GSE1: variants seen among roughly 807,000 people sequenced by gnomAD.
The protein encoded by GSE1 is Gse1 coiled-coil protein.
GSE1 carries 32 observed loss-of-function variants against 112.6 expected under a neutral mutation model. That is an observed-to-expected ratio of 0.28 (90% CI 0.21 to 0.38). The LOEUF is 0.38. Ranked by LOEUF, GSE1 falls within the 10% of genes least tolerant of loss-of-function variation. The pLI, the probability that GSE1 is intolerant of heterozygous loss-of-function variation, is 1.00. For missense variants in GSE1, 2,348 were observed against 1,699.2 expected, an observed-to-expected ratio of 1.38 and a Z score of -6.71; for synonymous variants, 1,115 against 735.6, an observed-to-expected ratio of 1.52 and a Z score of -8.35.
rs139719411 is a variant in GSE1, at chr16:85,331,855, G to A, written c.2284-25608G>A. Among the ~76,000 whole-genome samples the A allele has an allele frequency of 2.0e-3, 306 of 151,856 alleles. 2 individuals carry two copies. Among genetic ancestry groups the A allele is most frequent in the African/African-American group, 7.1e-3 (293 of 41,420 alleles). ...GAGTCACCGCGCCCAGCTACTCCCTGTCTTTGCAGTGCTCCTGAGGGTGTG... is the reference window on the plus strand; with the variant it reads ...GAGTCACCGCGCCCAGCTACTCCCTATCTTTGCAGTGCTCCTGAGGGTGTG... On this transcript the variant is annotated intron_variant, in intron 1 of 2. Transcript: ENST00000637419.
rs370143076 is a variant in GSE1, at chr16:85,662,011, C to T, written c.2260+246C>T. ...TGTCCCAAAAAGCCAAATCAAAGCC[C>T]GCCTGTGAAGATAGTTCCGCAGACA... is the stretch of plus-strand genomic sequence containing the variant. On this transcript the variant is annotated intron_variant, in intron 9 of 15. Transcript: ENST00000253458. Among the ~76,000 whole-genome samples, 189 of 152,316 alleles carry T rather than the reference C, an allele frequency of 1.2e-3. 2 individuals are homozygous for T. The highest frequency in any genetic ancestry group is 4.5e-3 in the African/African-American group (185 of 41,566).
upstream of GSE1, among the ~76,000 whole-genome samples, chr16:85,612,635 A>T (rs2048067454): frequency 7.0e-6 from 1 of 142,116 alleles, no homozygotes; most frequent in African/African-American, 2.6e-5. Context: ...GGGGTGCCTT[A>T]TGGAATTTTG....
intron 1 of GSE1, among the ~76,000 whole-genome samples, chr16:85,246,367 A>ACACC (rs1597179071): frequency 1.5e-5 from 1 of 68,408 alleles, no homozygotes. Context: ...ACACACACAC[A>ACACC]CCACACGCTG....
At chr16:85,487,146 A>C (rs529616648) in intron 2 of GSE1, among the ~76,000 whole-genome samples, 2 of 152,232 alleles carry the variant, frequency 1.3e-5, no homozygotes, top group South Asian at 4.2e-4. Flanking sequence ...GGGGAAGCAA[A>C]ACGGGAGCAG....
chr16:85,220,687 A>G (rs916781824), intron 1 of GSE1, among the ~76,000 whole-genome samples: 3 of 151,990 alleles, frequency 2.0e-5, no homozygotes, highest in Non-Finnish European at 4.4e-5. Flanking sequence ...TGCTGCCTGG[A>G]GTCCCTGGCT....
chr16:85,416,439 C>T (rs2048703935), intron 2 of GSE1, among the ~76,000 whole-genome samples: 1 of 152,080 alleles, frequency 6.6e-6, no homozygotes, highest in Non-Finnish European at 1.5e-5. Context: ...CAGAGCGGCT[C>T]CTCCCGAGCA....
At chr16:85,289,380 C>G (rs1272872239) in intron 1 of GSE1, among the ~76,000 whole-genome samples, 1 of 152,202 alleles carries the variant, frequency 6.6e-6, no homozygotes, top group Non-Finnish European at 1.5e-5. Context: ...GTGTCCAGCT[C>G]AGCTCCCCTG....
chr16:85,332,040 C>T (rs1400108889), intron 1 of GSE1, among the ~76,000 whole-genome samples: 2 of 151,762 alleles, frequency 1.3e-5, no homozygotes, highest in South Asian at 2.1e-4. Context: ...GCTCTGGGGC[C>T]CTTTGGCAAC....
At chr16:85,479,117 GTT>G (rs1418868894) in intron 2 of GSE1, among the ~76,000 whole-genome samples, 1 of 148,424 alleles carries the variant, frequency 6.7e-6, no homozygotes, top group Non-Finnish European at 1.5e-5. Flanking sequence ...TGCCTCCCGG[GTT>G]CACACCATTC....
At chr16:85,331,467 A>G (rs2046353731) in intron 1 of GSE1, among the ~76,000 whole-genome samples, 3 of 138,918 alleles carry the variant, frequency 2.2e-5, no homozygotes, top group East Asian at 2.2e-4. Flanking sequence ...ATATGTGTGT[A>G]TATATGTATA....
At chr16:85,364,140 A>AT (rs1205062297) in intron 2 of GSE1, among the ~76,000 whole-genome samples, 1 of 152,200 alleles carries the variant, frequency 6.6e-6, no homozygotes. Flanking sequence ...CCAGGGGAGA[A>AT]TCTGTTTCTG....
intron 1 of GSE1, among the ~76,000 whole-genome samples, chr16:85,279,291 A>T (rs936558627): frequency 1.3e-5 from 2 of 152,182 alleles, no homozygotes; most frequent in East Asian, 1.9e-4. Context: ...CTACCATGCA[A>T]GCCCGCTACA....
chr16:85,259,312 C>T (rs1004819492), intron 1 of GSE1, among the ~76,000 whole-genome samples: 2 of 151,994 alleles, frequency 1.3e-5, no homozygotes, highest in Non-Finnish European at 2.9e-5. Flanking sequence ...CCTGGCCCAC[C>T]CTGTGCTCCA....
chr16:85,651,373 C>G (rs2051339310), intron 3 of GSE1, among the ~76,000 whole-genome samples: 2 of 152,136 alleles, frequency 1.3e-5, no homozygotes, highest in East Asian at 2.0e-4. Context: ...GTGGGTCTGG[C>G]TCGCCGGGCC....
chr16:85,372,861 T>C (rs1230509757), intron 2 of GSE1, among the ~76,000 whole-genome samples: 1 of 152,190 alleles, frequency 6.6e-6, no homozygotes, highest in Non-Finnish European at 1.5e-5. Context: ...TCCCCCTTGT[T>C]GCAGATGAGA....
At chr16:85,528,437 G>T (rs572952352) in intron 2 of GSE1, among the ~76,000 whole-genome samples, 1 of 151,854 alleles carries the variant, frequency 6.6e-6, no homozygotes, top group Non-Finnish European at 1.5e-5. Flanking sequence ...TCAGCCTCCC[G>T]GGTAGCCGGG....
chr16:85,188,220 C>T (rs568311157), intron 1 of GSE1, among the ~76,000 whole-genome samples: 39 of 152,250 alleles, frequency 2.6e-4, no homozygotes, highest in African/African-American at 5.5e-4. Flanking sequence ...TGGTCCTTCA[C>T]GGGGCTGCTG....
intron 2 of GSE1, among the ~76,000 whole-genome samples, chr16:85,385,790 A>T (rs1183530440): frequency 6.6e-6 from 1 of 152,200 alleles, no homozygotes; most frequent in Non-Finnish European, 1.5e-5. Context: ...TGGTGGAGAC[A>T]GAGCTGGACA....
chr16:85,478,856 T>C (rs1032212865), intron 2 of GSE1, among the ~76,000 whole-genome samples: 10 of 18,436 alleles, frequency 5.4e-4, no homozygotes, highest in African/African-American at 2.8e-3. Context: ...TCTTTCTTTC[T>C]TTCTTTCTTT....
Sources: allele counts gnomAD v4.1 joint callset (sites outside exome capture counted in the v4.1 genomes callset), GRCh38; gene constraint gnomAD v4.1.1; transcripts MANE v1.5; gene names NCBI Gene and HGNC (gene_info 2026-07-23, HGNC 2026-07-21).